Variants in KPNA4 observed in about 807,000 individuals in gnomAD.
The protein encoded by KPNA4 is importin subunit alpha-3.
In KPNA4, 13 loss-of-function variants were observed where a neutral mutation model predicts 71.3. That is an observed-to-expected ratio of 0.18 (90% CI 0.12 to 0.29). The LOEUF is 0.29. KPNA4 is among the 10% of genes least tolerant of loss of function. The probability of loss-of-function intolerance (pLI) is 1.00; values close to 1 mark genes in which losing one functional copy is unlikely to be tolerated. For missense variants in KPNA4, 334 were observed against 603.2 expected, an observed-to-expected ratio of 0.55 and a Z score of 4.67; for synonymous variants, 189 against 195.2, an observed-to-expected ratio of 0.97 and a Z score of 0.26.
chr3:160,505,920 G>A (rs778903463), intron 15 of KPNA4, among the ~76,000 whole-genome samples: 26 of 152,228 alleles, frequency 1.7e-4, no homozygotes, highest in South Asian at 4.1e-4. Context: ...AACTCAAACT[G>A]TCCAAAACAC....
At chr3:160,504,039 G>A (rs1374043702) in intron 16 of KPNA4, among the ~76,000 whole-genome samples, 2 of 152,014 alleles carry the variant, frequency 1.3e-5, no homozygotes, top group East Asian at 3.9e-4. Context: ...AGCTGTGACT[G>A]CGCCAATGCA....
At chr3:160,512,333 G>C (rs1721111735) in intron 13 of KPNA4, among the ~76,000 whole-genome samples, 1 of 152,034 alleles carries the variant, frequency 6.6e-6, no homozygotes, top group Non-Finnish European at 1.5e-5. Flanking sequence ...CTGTTGGTCA[G>C]GAACAAACAG....
At chr3:160,527,922 T>G in intron 8 of KPNA4, 31 bp downstream of exon 8, 1 of 1,523,006 alleles carries the variant, frequency 6.6e-7, no homozygotes, top group Non-Finnish European at 9.1e-7. Context: ...GATAACAATT[T>G]TTAGACTAGT....
At chr3:160,560,341 T>C (rs1479439835) in intron 1 of KPNA4, among the ~76,000 whole-genome samples, 1 of 152,102 alleles carries the variant, frequency 6.6e-6, no homozygotes, top group African/African-American at 2.4e-5. Flanking sequence ...GAAATGTGAA[T>C]ACAGTTAAAA....
At chr3:160,546,051 G>C (rs1721899162) in intron 1 of KPNA4, among the ~76,000 whole-genome samples, 1 of 151,384 alleles carries the variant, frequency 6.6e-6, no homozygotes, top group African/African-American at 2.4e-5. Flanking sequence ...GTTGAATCTT[G>C]AGTTCAAGAA....
intron 1 of KPNA4, among the ~76,000 whole-genome samples, chr3:160,540,262 G>C (rs942550402): frequency 1.3e-5 from 2 of 152,058 alleles, no homozygotes; most frequent in African/African-American, 4.8e-5. Context: ...GCCTCCCAAA[G>C]TGCTGGGATT....
chr3:160,535,951 GAA>G, intron 2 of KPNA4, 54 bp from the exon 3 acceptor site: 1 of 1,033,360 alleles, frequency 9.7e-7, no homozygotes, highest in Non-Finnish European at 1.2e-6. Flanking sequence ...GAGTTAAAAA[GAA>G]AACCTGAATA....
rs558580679 is a variant in KPNA4 at position 160,516,198 on chromosome 3, G to A, written c.904-618C>T. On this transcript the variant is annotated intron_variant, in intron 11 of 16. Transcript: ENST00000334256. The stretch of plus-strand genomic sequence containing the variant: ...GGAGAGATGGGGTTTTGCCACGTTG[G>A]CCAGGCTGGTCTCGAACCCCTGACT... 8.0e-5 allele frequency among the ~76,000 whole-genome samples: 12 copies of A among 150,056 alleles called. No individual in the cohort carries two copies. In the South Asian group the frequency reaches 2.6e-3, roughly 32 times the overall value.
chr3:160,548,518 A>C lies in KPNA4; in HGVS notation c.70-11678T>G, dbSNP rs144298121. Among the ~76,000 whole-genome samples the C allele has an allele frequency of 3.3e-3, 507 of 152,042 alleles. 1 individual carries two copies. Among genetic ancestry groups the C allele is most frequent in the Non-Finnish European group, 5.6e-3 (378 of 67,974 alleles). ...TTTTCCTGTTTCTATGCATTTGCCTATTCTAGGTACCTTGTATAAGTGGAA... is the reference window on the plus strand; with the variant it reads ...TTTTCCTGTTTCTATGCATTTGCCTCTTCTAGGTACCTTGTATAAGTGGAA... On this transcript the variant is annotated intron_variant, in intron 1 of 16. Coordinates refer to ENST00000334256, the MANE Select transcript of KPNA4 (RefSeq NM_002268.5).
chr3:160,528,811 G>A (rs1477692807), intron 7 of KPNA4, among the ~76,000 whole-genome samples: 2 of 152,204 alleles, frequency 1.3e-5, no homozygotes, highest in Non-Finnish European at 2.9e-5. Flanking sequence ...GTCTGTATCT[G>A]AACAAAATAC....
At chr3:160,535,131 C>A (rs1449542307) in intron 5 of KPNA4, among the ~76,000 whole-genome samples, 1 of 152,040 alleles carries the variant, frequency 6.6e-6, no homozygotes, top group Non-Finnish European at 1.5e-5. Flanking sequence ...AATTAAGATA[C>A]CTGGTAAGGA....
chr3:160,506,931 T>TG (rs1720995030), intron 15 of KPNA4, among the ~76,000 whole-genome samples: 1 of 152,184 alleles, frequency 6.6e-6, no homozygotes, highest in Non-Finnish European at 1.5e-5. Flanking sequence ...CCCATTTAGT[T>TG]GAAGTTATGG....
intron 8 of KPNA4, among the ~76,000 whole-genome samples, chr3:160,527,441 T>C (rs1326946041): frequency 6.6e-6 from 1 of 152,222 alleles, no homozygotes; most frequent in Non-Finnish European, 1.5e-5. Flanking sequence ...TGTTGATTCA[T>C]GGTGACAGGA....
rs776193579 is a variant in KPNA4 at position 160,500,715 on chromosome 3, A to G, written c.*1389T>C. 6 of 152,646 alleles carry G rather than the reference A, an allele frequency of 3.9e-5. No individual in the cohort carries two copies. The highest frequency in any genetic ancestry group is 7.4e-5 in the Non-Finnish European group (5 of 68,026). The allele number at this position is 152,646 out of a possible 1,614,324, so 9.5% of individuals were successfully genotyped here. ...CCTACATCTAAGATAAAAAGATTCT[A>G]AAACAATTGAACAGATTAGGCATAT... On this transcript the variant is annotated 3_prime_UTR_variant, in exon 17 of 17. Coordinates refer to ENST00000334256, the MANE Select transcript of KPNA4 (RefSeq NM_002268.5).
At chr3:160,535,995 T>A in intron 2 of KPNA4, 98 bp from the exon 3 acceptor site, 1 of 940,766 alleles carries the variant, frequency 1.1e-6, no homozygotes, top group Non-Finnish European at 1.4e-6. Context: ...ATCCTGTGCC[T>A]AAAAACTGAA....
chr3:160,534,288 T>G, intron 5 of KPNA4, among the ~76,000 whole-genome samples: 1 of 152,202 alleles, frequency 6.6e-6, no homozygotes, highest in East Asian at 1.9e-4. Context: ...CTTATATTCA[T>G]AAATATACAA....
At chr3:160,520,667 A>G (rs371145594) in intron 11 of KPNA4, among the ~76,000 whole-genome samples, 15 of 152,138 alleles carry the variant, frequency 9.9e-5, no homozygotes, top group African/African-American at 3.6e-4. Flanking sequence ...TCACCTGAAG[A>G]GCATTTTAAA....
intron 1 of KPNA4, among the ~76,000 whole-genome samples, chr3:160,555,897 T>C (rs762296244): frequency 5.3e-5 from 8 of 152,222 alleles, no homozygotes; most frequent in Non-Finnish European, 1.0e-4. Context: ...AATGGCCCGA[T>C]CTCAGCTCAC....
At chr3:160,556,309 C>G (rs1577064036) in intron 1 of KPNA4, among the ~76,000 whole-genome samples, 1 of 152,146 alleles carries the variant, frequency 6.6e-6, no homozygotes, top group Admixed American at 6.5e-5. Flanking sequence ...CATTCCAAAG[C>G]AGCCGTACCA....
Sources: allele counts gnomAD v4.1 joint callset (sites outside exome capture counted in the v4.1 genomes callset), GRCh38; gene constraint gnomAD v4.1.1; transcripts MANE v1.5; gene names NCBI Gene and HGNC (gene_info 2026-07-23, HGNC 2026-07-21).